PTK7: variants seen among roughly 807,000 people sequenced by gnomAD.
The protein encoded by PTK7 is inactive tyrosine-protein kinase 7.
In PTK7, 39 loss-of-function variants were observed where a neutral mutation model predicts 116.6. The ratio of observed to expected loss-of-function variants is 0.33; its 90% CI spans 0.26 to 0.44. The LOEUF is 0.44. Ranked by LOEUF, PTK7 falls within the 20% of genes least tolerant of loss-of-function variation. The pLI is 1.00. For missense variants in PTK7, 1,169 were observed against 1,425.6 expected (o/e 0.82, Z 2.90); for synonymous variants, 546 against 563.6 (o/e 0.97, Z 0.44).
chr6:43,128,880 G>A, intron 1 of PTK7, 97 bp from the exon 2 acceptor site: 3 of 1,341,334 alleles, frequency 2.2e-6, no homozygotes, highest in Non-Finnish European at 3.1e-6. Flanking sequence ...CGCCTCCTGT[G>A]TACACAGCCC....
intron 17 of PTK7, among the ~76,000 whole-genome samples, chr6:43,156,766 C>T (rs1321031706): frequency 2.0e-5 from 3 of 151,708 alleles, no homozygotes; most frequent in Non-Finnish European, 4.4e-5. Context: ...CGTGGTAGTG[C>T]GCGCCTGTAA....
chr6:43,100,565 A>AT (rs1410461668), intron 1 of PTK7, among the ~76,000 whole-genome samples: 3 of 151,936 alleles, frequency 2.0e-5, no homozygotes, highest in Non-Finnish European at 4.4e-5. Flanking sequence ...TTTAAAACTG[A>AT]TTTTTTTGGG....
intron 1 of PTK7, among the ~76,000 whole-genome samples, chr6:43,097,887 G>A (rs143517619): frequency 4.1e-4 from 62 of 152,278 alleles, no homozygotes; most frequent in Non-Finnish European, 3.7e-4. Context: ...CCTACAACTC[G>A]ATGGTAAGGT....
chr6:43,109,595 A>G (rs1768077625), intron 1 of PTK7, among the ~76,000 whole-genome samples: 1 of 152,126 alleles, frequency 6.6e-6, no homozygotes. Context: ...TTTTCTCCAT[A>G]TGCTTACCAG....
chr6:43,157,364 A>ATATATATATT (rs70990168), intron 17 of PTK7, among the ~76,000 whole-genome samples: 3 of 54,346 alleles, frequency 5.5e-5, no homozygotes, highest in African/African-American at 7.2e-5. Context: ...ATATATATAT[A>ATATATATATT]TTTTTTTTTT....
chr6:43,084,095 C>A (rs914059676), intron 1 of PTK7, among the ~76,000 whole-genome samples: 1 of 152,154 alleles, frequency 6.6e-6, no homozygotes, highest in Admixed American at 6.5e-5. Flanking sequence ...GATCCAGTTA[C>A]ATAGGCCAGA....
intron 17 of PTK7, 145 bp downstream of exon 17, chr6:43,146,843 G>A (rs144612974): frequency 2.8e-4 from 195 of 707,066 alleles, no homozygotes; most frequent in African/African-American, 2.7e-3. Flanking sequence ...CACGGTAGTC[G>A]TCTGAAATAT....
rs1170286593 is a variant in PTK7 at position 43,132,183 on chromosome 6, G to A, written c.961+19G>A. 6.3e-6 allele frequency: 10 copies of A among 1,589,256 alleles called. No homozygotes were observed. The highest frequency in any genetic ancestry group is 2.7e-5 in the African/African-American group (2 of 74,130). On this transcript the variant is annotated intron_variant, in intron 6 of 19. Coordinates refer to ENST00000230419, the MANE Select transcript of PTK7 (RefSeq NM_002821.5). ...CTAGCAGGTGAGTCTCTGGGTCTGG[G>A]GTGCTGATGTGGGAGGCTGCCTTTA...
At position 43,139,341 on chromosome 6, in the gene PTK7, G is replaced by A; in HGVS notation, c.1499-65G>A. 1 of 1,614,006 alleles carries A rather than the reference G, an allele frequency of 6.2e-7. No individual in the cohort carries two copies. Among genetic ancestry groups the A allele is most frequent in the Non-Finnish European group, 8.5e-7 (1 of 1,179,870 alleles). ...GAGAGGAAAGGGGAGGGAGCAGCAG[G>A]CCTGGCCACGGCCTCTCCAGCGGCC... On this transcript the variant is annotated intron_variant, in intron 9 of 19. Transcript: ENST00000230419. This position sits in a 1 kb window ranked among gnomAD's most constrained non-coding sequence, Gnocchi z 4.6.
intron 19 of PTK7, 83 bp downstream of exon 19, chr6:43,160,049 CCT>C (rs1771757106): frequency 1.1e-5 from 16 of 1,433,426 alleles, no homozygotes; most frequent in Non-Finnish European, 1.5e-5. Flanking sequence ...GTTCAGCCTA[CCT>C]CCCTCTCAGG....
At chr6:43,150,131 G>A (rs1175209128) in intron 17 of PTK7, among the ~76,000 whole-genome samples, 1 of 152,240 alleles carries the variant, frequency 6.6e-6, no homozygotes, top group African/African-American at 2.4e-5. Context: ...GTGAACTAAT[G>A]ATGTGATGAG....
chr6:43,079,584 T>G (rs1766252780), intron 1 of PTK7, among the ~76,000 whole-genome samples: 1 of 152,094 alleles, frequency 6.6e-6, no homozygotes, highest in Non-Finnish European at 1.5e-5. Context: ...ACAACTTCCC[T>G]GTATACTTTT....
chr6:43,118,994 C>G (rs922355174), intron 1 of PTK7, among the ~76,000 whole-genome samples: 1 of 151,882 alleles, frequency 6.6e-6, no homozygotes, highest in African/African-American at 2.4e-5. Flanking sequence ...CTCCTGGGCT[C>G]AAGTGATCCT....
In PTK7 at chr6:43,157,379, T is replaced by A. The variant is rs1329992240; in HGVS notation, c.2722-1438T>A. 6.5e-4 allele frequency among the ~76,000 whole-genome samples: 66 copies of A among 100,850 alleles called. 1 individual carries two copies. Among genetic ancestry groups the A allele is most frequent in the African/African-American group, 2.4e-3 (62 of 25,752 alleles). 66.2% of individuals were successfully genotyped at this position (100,850 alleles called of 152,430 possible). On this transcript the variant is annotated intron_variant, in intron 17 of 19. Coordinates refer to ENST00000230419, the MANE Select transcript of PTK7 (RefSeq NM_002821.5). Reference sequence around the variant, plus strand: ...ATATATATATATTTTTTTTTTTCTTTTTTTTTTTTTTTTTTTAATAGAGTC... The same window carrying A: ...ATATATATATATTTTTTTTTTTCTTATTTTTTTTTTTTTTTTAATAGAGTC...
intron 1 of PTK7, among the ~76,000 whole-genome samples, chr6:43,107,801 A>G (rs1582105637): frequency 6.6e-6 from 1 of 152,316 alleles, no homozygotes; most frequent in Non-Finnish European, 1.5e-5. Flanking sequence ...GCTCAGTAAA[A>G]CCACCACAAA....
At chr6:43,102,615 A>G (rs1767649371) in intron 1 of PTK7, among the ~76,000 whole-genome samples, 1 of 152,092 alleles carries the variant, frequency 6.6e-6, no homozygotes, top group South Asian at 2.1e-4. Context: ...AAAAACCAAA[A>G]AAAAACAAAC....
chr6:43,148,764 C>CT (rs1468949449), intron 17 of PTK7, among the ~76,000 whole-genome samples: 2 of 89,416 alleles, frequency 2.2e-5, no homozygotes, highest in African/African-American at 1.1e-4. Flanking sequence ...AGAGAGGATG[C>CT]TTTTAAAAAA....
intron 1 of PTK7, among the ~76,000 whole-genome samples, chr6:43,103,039 CAGTG>C (rs1460696884): frequency 6.6e-6 from 1 of 152,200 alleles, no homozygotes; most frequent in Non-Finnish European, 1.5e-5. Context: ...CTACTACAAT[CAGTG>C]AGAGAACTGA....
chr6:43,096,189 G>A (rs1767242804), intron 1 of PTK7, among the ~76,000 whole-genome samples: 1 of 152,192 alleles, frequency 6.6e-6, no homozygotes. Flanking sequence ...GCCTCGGGGA[G>A]AGGTGTTGAT....
Sources: allele counts gnomAD v4.1 joint callset (sites outside exome capture counted in the v4.1 genomes callset), GRCh38; gene constraint gnomAD v4.1.1; non-coding constraint Gnocchi (gnomAD v3.1); transcripts MANE v1.5; gene names NCBI Gene and HGNC (gene_info 2026-07-23, HGNC 2026-07-21).